Variants in PZP observed in about 807,000 individuals in gnomAD.
PZP encodes the protein PZP alpha-2-macroglobulin like, also known as pregnancy zone protein.
PZP carries 150 observed loss-of-function variants against 179.8 expected under a neutral mutation model. The ratio of observed to expected loss-of-function variants is 0.83; its 90% CI spans 0.73 to 0.96. The LOEUF (loss-of-function observed/expected upper bound fraction) is 0.96. Among genes scored for constraint, PZP ranks in the 40% least tolerant of loss-of-function variants. PZP has a pLI of 0.00. For missense variants in PZP, 1,689 were observed against 1,764.0 expected (o/e 0.96, Z 0.76); for synonymous variants, 624 against 652.3 (o/e 0.96, Z 0.66).
chr12:9,183,948 T>C (rs375324898), intron 13 of PZP, among the ~76,000 whole-genome samples: 72 of 152,246 alleles, frequency 4.7e-4, no homozygotes, highest in African/African-American at 1.7e-3. Flanking sequence ...AAGTTTTAGC[T>C]CAGACCTCAA....
intron 13 of PZP, among the ~76,000 whole-genome samples, chr12:9,189,831 G>A (rs1339669614): frequency 6.6e-6 from 1 of 152,098 alleles, no homozygotes; most frequent in African/African-American, 2.4e-5. Context: ...AGTGGGCAAA[G>A]GACAGGAATA....
intron 4 of PZP, among the ~76,000 whole-genome samples, chr12:9,201,579 T>G (rs1463981611): frequency 1.3e-5 from 2 of 152,192 alleles, no homozygotes; most frequent in African/African-American, 4.8e-5. Context: ...AAAATTATTA[T>G]TGGTGAATGA....
intron 15 of PZP, among the ~76,000 whole-genome samples, chr12:9,179,009 C>G (rs763034005): frequency 5.9e-5 from 9 of 152,082 alleles, no homozygotes; most frequent in Non-Finnish European, 1.2e-4. Context: ...ATAATACCTC[C>G]CAAACAGATA....
At position 9,201,175 on chromosome 12, in the gene PZP, G is replaced by A. The variant is rs1053896502; in HGVS notation, c.502-115C>T. On this transcript the variant is annotated intron_variant, in intron 5 of 35. Transcript: ENST00000261336. ...TGCCTCTGGAAAGACAAATACAGAA[G>A]GAAGAGAAAATACAATCAACCTGAC... 2.8e-6 allele frequency: 4 copies of A among 1,421,220 alleles called. No homozygotes were observed. In the Admixed American group the frequency reaches 6.1e-5, roughly 22 times the overall value. The allele number at this position is 1,421,220 out of a possible 1,614,324, so 88.0% of individuals were successfully genotyped here.
chr12:9,194,229 C>T lies in PZP; in HGVS notation c.1102G>A (p.Val368Met), dbSNP rs1282229854. The T allele has an allele frequency of 6.2e-7, 1 of 1,613,632 alleles. No homozygotes were observed. The highest frequency in any genetic ancestry group is 1.1e-5 in the South Asian group (1 of 91,034). The change falls in exon 11 of 36, where the codon GTG becomes ATG. Residue 368 changes from valine to methionine, a missense_variant. Transcript: ENST00000261336. ...GGGATGGGCACACCTTTTCCATCCACCAGAAGCACCTAAAGAAGAAAAGTA... is the reference window on the plus strand; with the variant it reads ...GGGATGGGCACACCTTTTCCATCCATCAGAAGCACCTAAAGAAGAAAAGTA... Reference protein sequence around the residue: ...GIPFFAQVLLVDGKGVPIPNK... With the variant: ...GIPFFAQVLLMDGKGVPIPNK...
chr12:9,196,906 G>T, intron 8 of PZP, 106 bp downstream of exon 8: 1 of 921,940 alleles, frequency 1.1e-6, no homozygotes, highest in Non-Finnish European at 1.7e-6. Flanking sequence ...TTTGGTGGGG[G>T]ATATTTTGCG....
intron 13 of PZP, among the ~76,000 whole-genome samples, chr12:9,186,293 C>A (rs905099235): frequency 4.6e-5 from 7 of 152,244 alleles, no homozygotes; most frequent in Non-Finnish European, 1.0e-4. Flanking sequence ...TATTACGAGC[C>A]ACTACATAAC....
intron 2 of PZP, 113 bp from the exon 3 acceptor site, chr12:9,202,797 G>A: frequency 2.0e-6 from 2 of 1,016,758 alleles, no homozygotes; most frequent in Non-Finnish European, 1.4e-6. Context: ...GAGAAGGAAG[G>A]TGTGACTATT....
downstream of PZP, among the ~76,000 whole-genome samples, chr12:9,144,510 G>A (rs933962211): frequency 2.6e-5 from 4 of 151,708 alleles, no homozygotes; most frequent in Admixed American, 2.6e-4. Flanking sequence ...CTGGGTTTTG[G>A]CACCAAATGT....
chr12:9,192,963 C>T (rs1356579176), intron 11 of PZP, among the ~76,000 whole-genome samples: 1 of 152,170 alleles, frequency 6.6e-6, no homozygotes, highest in Admixed American at 6.5e-5. Flanking sequence ...TCTGCTAACT[C>T]ATTACTACTT....
chr12:9,202,253 C>T (rs1359807569), intron 4 of PZP, 66 bp downstream of exon 4: 3 of 1,371,484 alleles, frequency 2.2e-6, no homozygotes, highest in South Asian at 1.2e-5. Context: ...TTGTACCTTT[C>T]TACCTCACTC....
chr12:9,194,966 T>C (rs1943683867), intron 10 of PZP, among the ~76,000 whole-genome samples: 1 of 152,168 alleles, frequency 6.6e-6, no homozygotes, highest in African/African-American at 2.4e-5. Context: ...AGGGGGATAA[T>C]AGTTGTGCCT....
intron 10 of PZP, among the ~76,000 whole-genome samples, chr12:9,194,666 A>G (rs757333915): frequency 1.7e-4 from 26 of 151,988 alleles, no homozygotes; most frequent in South Asian, 1.7e-3. Flanking sequence ...GGGTTTCACC[A>G]TGTTAGCCAG....
At position 9,149,621 on chromosome 12, in the gene PZP, T is replaced by C. The variant is rs1347470883; in HGVS notation, c.4385-19A>G. On this transcript the variant is annotated intron_variant, in intron 34 of 35. Coordinates refer to ENST00000261336, the MANE Select transcript of PZP (RefSeq NM_002864.3). ...GACTCATCTGAAAGATAACGTTGGG[T>C]GAAGGAAGAAACGAAAGATCTATGA... 3.1e-6 allele frequency: 5 copies of C among 1,611,536 alleles called. No individual in the cohort carries two copies. The East Asian group carries it at 1.1e-4, about 36-fold the overall frequency.
intron 9 of PZP, 27 bp from the exon 10 acceptor site, chr12:9,196,466 T>G: frequency 6.3e-7 from 1 of 1,583,296 alleles, no homozygotes; most frequent in African/African-American, 1.3e-5. Flanking sequence ...GTCAGTACTT[T>G]TAGAAGTTAC....
At chr12:9,175,190 G>T (rs1233282900) in intron 15 of PZP, among the ~76,000 whole-genome samples, 1 of 152,144 alleles carries the variant, frequency 6.6e-6, no homozygotes, top group Admixed American at 6.5e-5. Context: ...TGACAAACTT[G>T]ACAAAAACAA....
intron 32 of PZP, among the ~76,000 whole-genome samples, 177 bp downstream of exon 32, chr12:9,152,043 A>G (rs769284479): frequency 1.3e-5 from 2 of 152,324 alleles, no homozygotes; most frequent in East Asian, 1.9e-4. Flanking sequence ...TTTCTCTGGT[A>G]TCACATATGT....
At chr12:9,192,144 G>T in intron 13 of PZP, 49 bp downstream of exon 13, 2 of 1,480,834 alleles carry the variant, frequency 1.4e-6, no homozygotes, top group Non-Finnish European at 1.9e-6. Context: ...CGAGGGAAGG[G>T]TAAGGATGTG....
At position 9,176,472 on chromosome 12, in the gene PZP, GAAAT is replaced by G. The variant is rs748282558; in HGVS notation, c.1839+4507_1839+4510del. 1.3e-3 allele frequency among the ~76,000 whole-genome samples: 196 copies of G among 152,158 alleles called. 1 individual carries two copies. The highest frequency in any genetic ancestry group is 2.4e-3 in the Admixed American group (37 of 15,278). On this transcript the variant is annotated intron_variant, in intron 15 of 35. Coordinates refer to ENST00000261336, the MANE Select transcript of PZP (RefSeq NM_002864.3). Reference sequence around the variant, plus strand: ...GAAGTTAAAATAAAAGTTGAAGAAAGAAATAAATAAATAAAACGCAGTCCATATT... The same window carrying G: ...GAAGTTAAAATAAAAGTTGAAGAAAGAAATAAATAAAACGCAGTCCATATT...
Sources: gnomAD v4.1 joint callset for allele counts (sites outside exome capture counted in the v4.1 genomes callset) on GRCh38, gnomAD v4.1.1 for gene constraint, MANE v1.5 for transcripts, NCBI Gene and HGNC (gene_info 2026-07-23, HGNC 2026-07-21) for gene names.